Variants in EPM2A observed in about 807,000 individuals in gnomAD.
EPM2A encodes EPM2A glucan phosphatase, laforin.
Under a neutral mutation model 26.5 loss-of-function variants are expected in EPM2A, and 21 were observed. The observed-to-expected ratio is 0.79, with a 90% confidence interval of 0.56 to 1.14. The LOEUF is 1.14. EPM2A is among the 50% of genes most tolerant of loss of function. The pLI, the probability that EPM2A is intolerant of heterozygous loss-of-function variation, is 0.00. For synonymous variants in EPM2A, 217 were observed against 177.6 expected (o/e 1.22, Z -1.76); for missense variants, 458 against 440.8 (o/e 1.04, Z -0.35).
rs575543221 is a variant in EPM2A at position 145,687,106 on chromosome 6, C to A, written c.302-810G>T. ...GCTATGGTATGAATGTTTTTGTCCC[C>A]CCAAAATTTATATGTTGAAATCCTA... On this transcript the variant is annotated intron_variant, in intron 1 of 3. Transcript: ENST00000367519. Among the ~76,000 whole-genome samples, 6 of 152,208 alleles carry A rather than the reference C, an allele frequency of 3.9e-5. No individual in the cohort carries two copies. In the East Asian group the frequency reaches 9.6e-4, roughly 24 times the overall value.
At chr6:145,430,093 G>A (rs912770688) in intron 4 of EPM2A, among the ~76,000 whole-genome samples, 4 of 152,016 alleles carry the variant, frequency 2.6e-5, no homozygotes, top group Admixed American at 6.5e-5. Context: ...TCGGAAGGCT[G>A]AGGCAGGAGA....
intron 4 of EPM2A, among the ~76,000 whole-genome samples, chr6:145,488,522 T>TGTGAGAGAGAGAGAGA (rs1201742298): frequency 1.4e-5 from 2 of 139,920 alleles, no homozygotes; most frequent in Admixed American, 1.4e-4. Context: ...TGTGTGTGTG[T>TGTGAGAGAGAGAGAGA]GAGAGAGAGA....
At chr6:145,640,745 G>A (rs1296742658) in intron 2 of EPM2A, 2 of 152,132 alleles carry the variant, frequency 1.3e-5, no homozygotes, top group African/African-American at 2.4e-5. Flanking sequence ...TAGTGGGAAA[G>A]CAAGAGAAAC....
At chr6:145,679,125 T>C (rs1780301371) in intron 2 of EPM2A, among the ~76,000 whole-genome samples, 1 of 152,100 alleles carries the variant, frequency 6.6e-6, no homozygotes, top group Non-Finnish European at 1.5e-5. Context: ...CTGGAAACCA[T>C]CATTCTCAGC....
At chr6:145,465,808 G>T (rs1202716626) in intron 4 of EPM2A, among the ~76,000 whole-genome samples, 1 of 152,068 alleles carries the variant, frequency 6.6e-6, no homozygotes, top group Non-Finnish European at 1.5e-5. Context: ...CAATGGAACA[G>T]AACAGAGGCC....
rs370469632 is a variant in EPM2A, at chr6:145,627,437, A to G, written c.975T>C (p.Arg325=). ...CCAGCTACAGGCTACACACAGAAGA[A>G]CGAACCTTCCCAAATTTCTGGAAAA... The part of the protein sequence containing the change: ...EDFFQKFGKV[R]SSVCSL Residue 325 remains arginine (R), a synonymous_variant, in exon 4 of 4, where the codon CGT becomes CGC. Transcript: ENST00000367519. 1.2e-6 allele frequency: 2 copies of G among 1,614,216 alleles called. No homozygotes were observed. The highest frequency in any genetic ancestry group is 1.7e-6 in the Non-Finnish European group (2 of 1,180,042).
intron 2 of EPM2A, among the ~76,000 whole-genome samples, chr6:145,607,710 G>A (rs1273968687): frequency 1.3e-5 from 2 of 152,168 alleles, no homozygotes; most frequent in Non-Finnish European, 2.9e-5. Flanking sequence ...CTAGCCTGTG[G>A]CTTGAAACAG....
At chr6:145,672,320 C>A (rs948007128) in intron 2 of EPM2A, among the ~76,000 whole-genome samples, 3 of 152,118 alleles carry the variant, frequency 2.0e-5, no homozygotes, top group Non-Finnish European at 4.4e-5. Context: ...AAAACACACG[C>A]CCCTAAGGTC....
At position 145,420,645 on chromosome 6, in the gene EPM2A, T is replaced by C. The variant is rs112910908; in HGVS notation, c.556-36548A>G. 3.8e-3 allele frequency among the ~76,000 whole-genome samples: 582 copies of C among 152,324 alleles called. 8 individuals carry two copies. The highest frequency in any genetic ancestry group is 5.7e-3 in the Non-Finnish European group (389 of 68,038). On this transcript the variant is annotated intron_variant, in intron 4 of 4. Transcript: ENST00000638717. ...ACTGGCAGGAGGACAATGGAGTATA[T>C]AATTTATGGTACTAATTATACTATT... is the stretch of plus-strand genomic sequence containing the variant.
At chr6:145,718,622 A>T (rs1184165382) in intron 1 of EPM2A, among the ~76,000 whole-genome samples, 1 of 152,204 alleles carries the variant, frequency 6.6e-6, no homozygotes, top group Non-Finnish European at 1.5e-5. Context: ...GACAAATGGG[A>T]TCTAAATAAA....
chr6:145,712,900 C>T (rs1468537104), intron 1 of EPM2A, among the ~76,000 whole-genome samples: 1 of 152,072 alleles, frequency 6.6e-6, no homozygotes, highest in Non-Finnish European at 1.5e-5. Context: ...TAAAGGGCAC[C>T]AATTTTTCTT....
At position 145,409,215 on chromosome 6, in the gene EPM2A, T is replaced by C. The variant is rs549687941; in HGVS notation, c.556-25118A>G. Among the ~76,000 whole-genome samples, 52 of 152,256 alleles carry C rather than the reference T, an allele frequency of 3.4e-4. 1 individual carries two copies. The South Asian group carries it at 9.5e-3, about 28-fold the overall frequency. On this transcript the variant is annotated intron_variant, in intron 4 of 4. Transcript: ENST00000638717. Reference sequence around the variant, plus strand: ...TGTCACATGTCTGTAGAGCAACTTATGGTTTATTAAGTCCTTTCACACACA... The same window carrying C: ...TGTCACATGTCTGTAGAGCAACTTACGGTTTATTAAGTCCTTTCACACACA...
At chr6:145,720,190 G>A (rs1470239552) in intron 1 of EPM2A, among the ~76,000 whole-genome samples, 1 of 152,086 alleles carries the variant, frequency 6.6e-6, no homozygotes, top group Non-Finnish European at 1.5e-5. Context: ...AGTAAAGACT[G>A]AAGTCTGTGC....
At chr6:145,696,112 A>G (rs1410504069) in intron 1 of EPM2A, among the ~76,000 whole-genome samples, 2 of 152,092 alleles carry the variant, frequency 1.3e-5, no homozygotes, top group African/African-American at 4.8e-5. Context: ...CTAGAACTCA[A>G]TCATAGGAGA....
At chr6:145,475,092 A>G (rs1208504331) in intron 4 of EPM2A, among the ~76,000 whole-genome samples, 1 of 152,124 alleles carries the variant, frequency 6.6e-6, no homozygotes, top group Non-Finnish European at 1.5e-5. Flanking sequence ...CTAGAAATAC[A>G]ATTTGACCCA....
chr6:145,718,858 A>T (rs1220110549), intron 1 of EPM2A, among the ~76,000 whole-genome samples: 2 of 152,242 alleles, frequency 1.3e-5, no homozygotes, highest in Non-Finnish European at 2.9e-5. Context: ...TGCAGCCAAA[A>T]AACACATGAA....
At chr6:145,663,843 G>A (rs1412805448) in intron 2 of EPM2A, among the ~76,000 whole-genome samples, 1 of 96,820 alleles carries the variant, frequency 1.0e-5, no homozygotes, top group Non-Finnish European at 2.1e-5. Context: ...AGCCAGAAGA[G>A]AGTGGGGGCC....
rs1021492815 is a variant in EPM2A at position 145,606,351 on chromosome 6, C to T, written c.340+28894G>A. Among the ~76,000 whole-genome samples the T allele has an allele frequency of 3.3e-5, 5 of 151,542 alleles. No individual in the cohort carries two copies. The East Asian group carries it at 9.6e-4, about 29-fold the overall frequency. ...CATATAGGAAAATTAATACTCAGTC[C>T]CCTGGTATAAATAAAAAATTTATGC... On this transcript the variant is annotated intron_variant, in intron 2 of 3. Transcript: ENST00000450221.
chr6:145,712,751 T>C (rs1775408094), intron 1 of EPM2A, among the ~76,000 whole-genome samples: 1 of 152,212 alleles, frequency 6.6e-6, no homozygotes, highest in African/African-American at 2.4e-5. Context: ...ACCATGACTA[T>C]GCTCCTACTC....
Sources: gnomAD v4.1 joint callset for allele counts (sites outside exome capture counted in the v4.1 genomes callset) on GRCh38, gnomAD v4.1.1 for gene constraint, MANE v1.5 for transcripts, NCBI Gene and HGNC (gene_info 2026-07-23, HGNC 2026-07-21) for gene names.